HIPK3: variants seen among roughly 807,000 people sequenced by gnomAD.
HIPK3 encodes the protein homeodomain-interacting protein kinase 3.
A neutral mutation model predicts 124.2 loss-of-function variants in HIPK3; 47 were observed. The ratio of observed to expected loss-of-function variants is 0.38; its 90% CI spans 0.30 to 0.48. The LOEUF is 0.48. HIPK3 is among the 20% of genes least tolerant of loss of function. HIPK3 has a pLI of 0.98. For synonymous variants in HIPK3, 482 were observed against 515.2 expected, an observed-to-expected ratio of 0.94 and a Z score of 0.87; for missense variants, 1,286 against 1,454.3, an observed-to-expected ratio of 0.88 and a Z score of 1.88.
At chr11:33,310,276 C>CTGTCTGTCT in intron 2 of HIPK3, among the ~76,000 whole-genome samples, 1 of 75,892 alleles carries the variant, frequency 1.3e-5, no homozygotes, top group South Asian at 4.4e-4. Flanking sequence ...GTCTGTCTGT[C>CTGTCTGTCT]TATCTTATCT....
intron 1 of HIPK3, among the ~76,000 whole-genome samples, chr11:33,260,354 A>G (rs936266268): frequency 6.6e-6 from 1 of 152,198 alleles, no homozygotes; most frequent in South Asian, 2.1e-4. Flanking sequence ...TTTTGTTTTT[A>G]ATATTTGATG....
At chr11:33,272,399 CAAA>C (rs879333622) in intron 1 of HIPK3, among the ~76,000 whole-genome samples, 1 of 137,254 alleles carries the variant, frequency 7.3e-6, no homozygotes, top group African/African-American at 2.7e-5. Flanking sequence ...ACTCCGTCTC[CAAA>C]AAAAAAAAAT....
chr11:33,267,983 G>A (rs67108159), intron 1 of HIPK3, among the ~76,000 whole-genome samples: 14,951 of 151,962 alleles, frequency 0.098, 1,676 homozygotes, highest in African/African-American at 0.28. Context: ...GACTGAGGCC[G>A]GCAGACCACC....
intron 2 of HIPK3, among the ~76,000 whole-genome samples, chr11:33,295,329 C>G (rs944049336): frequency 4.4e-5 from 6 of 135,850 alleles, no homozygotes; most frequent in African/African-American, 1.6e-4. Context: ...CGAAGGACTT[C>G]GGGACTGTTC....
At chr11:33,335,131 C>G (rs893684773) in intron 3 of HIPK3, among the ~76,000 whole-genome samples, 2 of 152,074 alleles carry the variant, frequency 1.3e-5, no homozygotes, top group African/African-American at 4.8e-5. Flanking sequence ...ATTAGCAGAT[C>G]TGGGGGCAAA....
chr11:33,279,982 CT>C (rs1328061975), intron 1 of HIPK3, among the ~76,000 whole-genome samples: 1 of 152,166 alleles, frequency 6.6e-6, no homozygotes, highest in African/African-American at 2.4e-5. Flanking sequence ...AATACCATCA[CT>C]TTTGGCGGTT....
chr11:33,267,616 C>T (rs1377987581), intron 1 of HIPK3, among the ~76,000 whole-genome samples: 1 of 150,768 alleles, frequency 6.6e-6, no homozygotes, highest in Non-Finnish European at 1.5e-5. Context: ...CCGCCTTGGC[C>T]TCCTGAGTAG....
chr11:33,293,384 T>G (rs1851752282), intron 2 of HIPK3, among the ~76,000 whole-genome samples: 1 of 152,104 alleles, frequency 6.6e-6, no homozygotes, highest in Non-Finnish European at 1.5e-5. Context: ...TACATTACCC[T>G]CAAAAGAAGC....
At chr11:33,272,674 T>C (rs911240380) in intron 1 of HIPK3, among the ~76,000 whole-genome samples, 2 of 151,884 alleles carry the variant, frequency 1.3e-5, no homozygotes, top group African/African-American at 4.8e-5. Context: ...TTTTCCTTTA[T>C]TCTTTTTTCT....
At chr11:33,274,540 A>G (rs1411110310) in intron 1 of HIPK3, among the ~76,000 whole-genome samples, 1 of 152,210 alleles carries the variant, frequency 6.6e-6, no homozygotes, top group Admixed American at 6.5e-5. Context: ...TACTTAAGTT[A>G]TATAAGCTGA....
At chr11:33,258,205 G>GC (rs1203872381) in intron 1 of HIPK3, 11 of 642,106 alleles carry the variant, frequency 1.7e-5, no homozygotes, top group African/African-American at 2.0e-5. Flanking sequence ...GGGGGCCTCG[G>GC]CCCCCCCTCC....
At chr11:33,266,058 CAAAA>C (rs541701602) in intron 1 of HIPK3, among the ~76,000 whole-genome samples, 1 of 49,626 alleles carries the variant, frequency 2.0e-5, no homozygotes, top group East Asian at 6.5e-4. Flanking sequence ...GACTCCATCT[CAAAA>C]AAAAAAAAAA....
At chr11:33,302,511 A>AT (rs1347886541) in intron 2 of HIPK3, among the ~76,000 whole-genome samples, 1 of 151,814 alleles carries the variant, frequency 6.6e-6, no homozygotes, top group African/African-American at 2.4e-5. Flanking sequence ...TAATTTTTGT[A>AT]TTTTTAGTAG....
At chr11:33,348,983 C>T (rs1853580211) in intron 13 of HIPK3, among the ~76,000 whole-genome samples, 164 bp from the exon 14 acceptor site, 1 of 152,192 alleles carries the variant, frequency 6.6e-6, no homozygotes, top group East Asian at 1.9e-4. Flanking sequence ...TAACATTTAG[C>T]ACGATTATTA....
chr11:33,268,013 C>T (rs958717041), intron 1 of HIPK3, among the ~76,000 whole-genome samples: 3 of 152,008 alleles, frequency 2.0e-5, no homozygotes, highest in Non-Finnish European at 4.4e-5. Flanking sequence ...GAGTTCAAGA[C>T]CAGCCGGACC....
At position 33,286,644 on chromosome 11, in the gene HIPK3, C is replaced by A. The variant is rs144410310; in HGVS notation, c.230C>A (p.Ser77Ter). ...AATAGACCTCGAGGACACAACTTTT[C>A]ATTGCAGACAAGTGCTGTTGTTTTG... ...PFNRPRGHNF[S>*]LQTSAVVLKN... Residue 77 changes from serine to a stop codon, truncating the protein, a stop_gained, in exon 2 of 17, where the codon TCA (serine) becomes TAA (stop). Coordinates refer to ENST00000303296, the MANE Select transcript of HIPK3 (RefSeq NM_005734.5). LOFTEE classifies it high-confidence loss of function. 1 of 1,614,070 alleles carries A rather than the reference C, an allele frequency of 6.2e-7. No homozygotes were observed. The highest frequency in any genetic ancestry group is 8.5e-7 in the Non-Finnish European group (1 of 1,180,040).
chr11:33,281,177 C>G (rs1021377443), intron 1 of HIPK3, among the ~76,000 whole-genome samples: 2 of 148,792 alleles, frequency 1.3e-5, no homozygotes, highest in African/African-American at 5.0e-5. Flanking sequence ...TCAAGCGATT[C>G]TCCTGTCTCA....
chr11:33,317,274 ATTTTTTTTTT>A (rs3028961), intron 2 of HIPK3, among the ~76,000 whole-genome samples: 1 of 102,220 alleles, frequency 9.8e-6, no homozygotes, highest in African/African-American at 4.0e-5. Context: ...GCCTGGCCCT[ATTTTTTTTTT>A]TTTTTTTTTT....
chr11:33,339,539 GTTACT>G lies in HIPK3; in HGVS notation c.1613+9_1613+13del. 7.0e-6 allele frequency: 11 copies of G among 1,570,560 alleles called. No homozygotes were observed. The highest frequency in any genetic ancestry group is 9.6e-6 in the Non-Finnish European group (11 of 1,148,252). On this transcript the variant is annotated splice_donor_region_variant and intron_variant, in intron 6 of 16. Transcript: ENST00000303296. Reference sequence around the variant, plus strand: ...AGATTTCCCTCATAGCAACCAGTATGTTACTTTAAGATCTTTTAAAGTGGTTCTAA... The same window carrying G: ...AGATTTCCCTCATAGCAACCAGTATGTTAAGATCTTTTAAAGTGGTTCTAA...
Sources: gnomAD v4.1 joint callset for allele counts (sites outside exome capture counted in the v4.1 genomes callset) on GRCh38, gnomAD v4.1.1 for gene constraint, MANE v1.5 for transcripts, NCBI Gene and HGNC (gene_info 2026-07-23, HGNC 2026-07-21) for gene names.